PPARGC1B: variants seen among roughly 807,000 people sequenced by gnomAD.
PPARGC1B encodes peroxisome proliferator-activated receptor gamma coactivator 1-beta.
A neutral mutation model predicts 101.6 loss-of-function variants in PPARGC1B; 34 were observed. That is an observed-to-expected ratio of 0.33 (90% confidence interval 0.25 to 0.45). PPARGC1B has a LOEUF of 0.45. Ranked by LOEUF, PPARGC1B falls within the 20% of genes least tolerant of loss-of-function variation. The pLI is 1.00. For synonymous variants in PPARGC1B, 548 were observed against 539.3 expected (o/e 1.02, Z -0.22); for missense variants, 1,234 against 1,317.6 (o/e 0.94, Z 0.98).
At chr5:149,778,175 C>A (rs1381921885) in intron 1 of PPARGC1B, among the ~76,000 whole-genome samples, 1 of 151,144 alleles carries the variant, frequency 6.6e-6, no homozygotes, top group Admixed American at 6.6e-5. Flanking sequence ...GAGTACCTGG[C>A]TGCTCGTATC....
chr5:149,849,657 A>T lies in PPARGC1B; in HGVS notation c.*2099A>T, dbSNP rs1303355368. 6.6e-6 allele frequency: 1 copy of T among 152,242 alleles called. No homozygotes were observed. The highest frequency in any genetic ancestry group is 1.9e-4 in the East Asian group (1 of 5,200). The allele number at this position is 152,242 out of a possible 1,614,324, so 9.4% of individuals were successfully genotyped here. A position where few individuals can be genotyped will look rare whatever the true frequency, so the allele number is the denominator to read the frequency against. ...TCTTTGGAAGGTTTCCAACAATCAC[A>T]CAAAACCATATGCTGGCTGGGTTTC... On this transcript the variant is annotated 3_prime_UTR_variant, in exon 12 of 12. Coordinates refer to ENST00000309241, the MANE Select transcript of PPARGC1B (RefSeq NM_133263.4).
chr5:149,856,041 C>T (rs922152803), downstream of PPARGC1B, among the ~76,000 whole-genome samples: 3 of 152,040 alleles, frequency 2.0e-5, no homozygotes, highest in Admixed American at 6.6e-5. Context: ...CGCTTGAACC[C>T]GGGAGGCGGA....
chr5:149,850,852 C>T lies in PPARGC1B; in HGVS notation c.*3294C>T, dbSNP rs1391569467. On this transcript the variant is annotated 3_prime_UTR_variant, in exon 12 of 12. Coordinates refer to ENST00000309241, the MANE Select transcript of PPARGC1B (RefSeq NM_133263.4). ...TAAGTGGAATTCTTCCATCTCCTTC[C>T]TCAGTCTGTACAAGGCTGAATCAGA... 1 of 152,106 alleles carries T rather than the reference C, an allele frequency of 6.6e-6. No homozygotes were observed. Among genetic ancestry groups the T allele is most frequent in the Non-Finnish European group, 1.5e-5 (1 of 68,070 alleles). The allele number at this position is 152,106 out of a possible 1,614,324, so 9.4% of individuals were successfully genotyped here.
chr5:149,818,873 C>T (rs1349382186), intron 1 of PPARGC1B: 1 of 456,518 alleles, frequency 2.2e-6, no homozygotes, highest in Non-Finnish European at 4.4e-6. Flanking sequence ...TTGTTGTCCA[C>T]GTTTTACAGA....
intron 1 of PPARGC1B, among the ~76,000 whole-genome samples, chr5:149,768,421 C>T (rs867764178): frequency 6.6e-6 from 1 of 150,848 alleles, no homozygotes; most frequent in African/African-American, 2.4e-5. Context: ...ACTATAGGCA[C>T]GTGCCACCAT....
chr5:149,738,412 T>C (rs1754802293), intron 1 of PPARGC1B, among the ~76,000 whole-genome samples: 1 of 152,210 alleles, frequency 6.6e-6, no homozygotes, highest in Non-Finnish European at 1.5e-5. Flanking sequence ...TATGCTAGAC[T>C]ATGAGCCTCT....
At chr5:149,733,294 G>GA (rs1323834490) in intron 1 of PPARGC1B, among the ~76,000 whole-genome samples, 3 of 152,206 alleles carry the variant, frequency 2.0e-5, no homozygotes, top group Non-Finnish European at 2.9e-5. Context: ...CAAGGATTGC[G>GA]AAAGTTTCTT....
At chr5:149,750,470 A>ATATG (rs1243351054) in intron 1 of PPARGC1B, among the ~76,000 whole-genome samples, 6 of 113,690 alleles carry the variant, frequency 5.3e-5, no homozygotes, top group African/African-American at 1.0e-4. Flanking sequence ...ATATATATAT[A>ATATG]TATATATATA....
rs1759891814 is a variant in PPARGC1B at position 149,854,536 on chromosome 5, A to AT, written c.*6979dup. ...TAAAGGACACTGCTAATGATTGAGA[A>AT]TCAAGTTTTTAGTTTTGCTATTTTT... On this transcript the variant is annotated 3_prime_UTR_variant, in exon 12 of 12. Transcript: ENST00000309241. The AT allele has an allele frequency of 1.3e-5, 2 of 152,158 alleles. No homozygotes were observed. The highest frequency in any genetic ancestry group is 2.9e-5 in the Non-Finnish European group (2 of 68,024). The allele number at this position is 152,158 out of a possible 1,614,324, so 9.4% of individuals were successfully genotyped here.
At chr5:149,741,398 C>T (rs929872762) in intron 1 of PPARGC1B, among the ~76,000 whole-genome samples, 1 of 152,212 alleles carries the variant, frequency 6.6e-6, no homozygotes, top group African/African-American at 2.4e-5. Context: ...GCCCTGGATC[C>T]TTGGCACTGA....
In PPARGC1B at chr5:149,743,652, G is replaced by A. The variant is rs1026709545; in HGVS notation, c.78+13232G>A. On this transcript the variant is annotated intron_variant, in intron 1 of 11. Transcript: ENST00000309241. ...TTGCCTGATGTTTGCCTGGCCCAGA[G>A]GTCCTTCTTTGTGCCTGGAGACGTG... 1.9e-4 allele frequency among the ~76,000 whole-genome samples: 29 copies of A among 152,192 alleles called. 1 individual carries two copies. The highest frequency in any genetic ancestry group is 6.3e-4 in the African/African-American group (26 of 41,424).
intron 1 of PPARGC1B, among the ~76,000 whole-genome samples, chr5:149,811,116 A>G (rs1039557648): frequency 2.6e-5 from 4 of 152,192 alleles, no homozygotes; most frequent in Non-Finnish European, 4.4e-5. Flanking sequence ...TATGACATGT[A>G]TATTCATTTT....
At position 149,809,477 on chromosome 5, in the gene PPARGC1B, C is replaced by CATAGATAG. The variant is rs70973546; in HGVS notation, c.79-10912_79-10905dup. Reference sequence around the variant, plus strand: ...GATAGATAGATAGATCCATCTCTACCATAGATAGATAGATAGATAGATAGA... The same window carrying CATAGATAG: ...GATAGATAGATAGATCCATCTCTACCATAGATAGATAGATAGATAGATAGATAGATAGA... On this transcript the variant is annotated intron_variant, in intron 1 of 11. Coordinates refer to ENST00000309241, the MANE Select transcript of PPARGC1B (RefSeq NM_133263.4). Among the ~76,000 whole-genome samples the CATAGATAG allele has an allele frequency of 4.3e-3, 234 of 54,804 alleles. 6 individuals carry two copies. The highest frequency in any genetic ancestry group is 0.013 in the East Asian group (26 of 2,002). The allele number at this position is 54,804 out of a possible 152,430, so 36.0% of individuals were successfully genotyped here.
chr5:149,826,109 C>T (rs1241449528), intron 2 of PPARGC1B, among the ~76,000 whole-genome samples: 1 of 152,092 alleles, frequency 6.6e-6, no homozygotes, highest in Admixed American at 6.5e-5. Flanking sequence ...GCTCCAGAGC[C>T]CGAGTGTCTA....
At position 149,806,858 on chromosome 5, in the gene PPARGC1B, T is replaced by C. The variant is rs190800563; in HGVS notation, c.79-13575T>C. 2.6e-3 allele frequency among the ~76,000 whole-genome samples: 402 copies of C among 152,190 alleles called. 4 individuals are homozygous for C. The highest frequency in any genetic ancestry group is 0.014 in the Middle Eastern group (4 of 294). On this transcript the variant is annotated intron_variant, in intron 1 of 11. Transcript: ENST00000309241. The stretch of plus-strand genomic sequence containing the variant: ...CTGTCCTCAGGCCGTCCACCCACCC[T>C]GGCCTCGTAAAGTGCTGGAATTATA...
chr5:149,813,560 G>A (rs1329216114), intron 1 of PPARGC1B, among the ~76,000 whole-genome samples: 1 of 152,164 alleles, frequency 6.6e-6, no homozygotes, highest in East Asian at 1.9e-4. Context: ...CAGGGGATGA[G>A]TTCACGAAGC....
chr5:149,823,454 TC>T, intron 2 of PPARGC1B, among the ~76,000 whole-genome samples: 1 of 152,282 alleles, frequency 6.6e-6, no homozygotes, highest in Non-Finnish European at 1.5e-5. Flanking sequence ...CCACTCTAGG[TC>T]CTCAAAATGA....
At chr5:149,856,555 C>G (rs987292018), downstream of PPARGC1B, among the ~76,000 whole-genome samples, 4 of 152,346 alleles carry the variant, frequency 2.6e-5, no homozygotes, top group African/African-American at 7.2e-5. Context: ...CTTTGGGACC[C>G]ATCTCTGCCA....
intron 2 of PPARGC1B, 79 bp downstream of exon 2, chr5:149,820,685 C>T: frequency 7.2e-7 from 1 of 1,385,368 alleles, no homozygotes; most frequent in Non-Finnish European, 9.9e-7. Context: ...CCCTGCTCTG[C>T]CTTCTCCTGC....
Sources: allele counts gnomAD v4.1 joint callset (sites outside exome capture counted in the v4.1 genomes callset), GRCh38; gene constraint gnomAD v4.1.1; transcripts MANE v1.5; gene names NCBI Gene and HGNC (gene_info 2026-07-23, HGNC 2026-07-21).